The following BAIAP2 variants were observed in gnomAD, a reference collection of about 807,000 sequenced individuals.
BAIAP2 encodes the protein BAR/IMD domain-containing adapter protein 2.
BAIAP2 carries 18 observed loss-of-function variants against 63.0 expected under a neutral mutation model. The ratio of observed to expected loss-of-function variants is 0.29; its 90% CI spans 0.20 to 0.42. The LOEUF (loss-of-function observed/expected upper bound fraction) is 0.42. BAIAP2 is among the 10% of genes least tolerant of loss of function. The probability of loss-of-function intolerance (pLI) is 1.00; values close to 1 mark genes in which losing one functional copy is unlikely to be tolerated. For missense variants in BAIAP2, 610 were observed against 734.3 expected (o/e 0.83, Z 1.96); for synonymous variants, 386 against 307.6 (o/e 1.25, Z -2.67).
intron 4 of BAIAP2, chr17:81,085,323 G>C (rs761447569): frequency 5.6e-6 from 3 of 537,386 alleles, no homozygotes; most frequent in Non-Finnish European, 1.0e-5. Flanking sequence ...TGTCAGTTCA[G>C]GCCCATGGGC....
At chr17:81,047,716 C>G (rs1208561545) in intron 1 of BAIAP2, among the ~76,000 whole-genome samples, 3 of 151,638 alleles carry the variant, frequency 2.0e-5, no homozygotes, top group Non-Finnish European at 4.4e-5. Flanking sequence ...CCACATGCGT[C>G]CAGCACATGT....
chr17:81,036,834 G>A (rs530722604), intron 1 of BAIAP2: 9 of 1,506,070 alleles, frequency 6.0e-6, no homozygotes, highest in Non-Finnish European at 8.0e-6. Flanking sequence ...TTAGTCATTA[G>A]CTCCATTACG....
At position 81,104,718 on chromosome 17, in the gene BAIAP2, G is replaced by A; in HGVS notation, c.1268+3G>A. The A allele has an allele frequency of 6.4e-7, 1 of 1,568,864 alleles. No homozygotes were observed. Among genetic ancestry groups the A allele is most frequent in the Admixed American group, 1.8e-5 (1 of 54,314 alleles). Reference sequence around the variant, plus strand: ...GGAGAGAGTGAGAAGACCAAGATGTGAGTGTTTCTCGGGGGCGGGCTCCAG... The same window carrying A: ...GGAGAGAGTGAGAAGACCAAGATGTAAGTGTTTCTCGGGGGCGGGCTCCAG... On this transcript the variant is annotated splice_donor_region_variant and intron_variant, in intron 10 of 13. Transcript: ENST00000428708.
intron 7 of BAIAP2, among the ~76,000 whole-genome samples, chr17:81,102,784 C>T (rs990709371): frequency 6.6e-6 from 1 of 152,330 alleles, no homozygotes; most frequent in East Asian, 1.9e-4. Flanking sequence ...AGAGACATAG[C>T]AGTTCTGGCC....
chr17:81,105,062 C>T (rs1335404771), intron 10 of BAIAP2: 1 of 222,086 alleles, frequency 4.5e-6, no homozygotes, highest in Admixed American at 5.4e-5. Flanking sequence ...TGGCAGGGGT[C>T]TCCCCCCAAT....
chr17:81,057,968 G>T lies in BAIAP2; in HGVS notation c.217+1G>T. The T allele has an allele frequency of 7.2e-7, 1 of 1,386,766 alleles. No individual in the cohort carries two copies. The highest frequency in any genetic ancestry group is 1.3e-5 in the South Asian group (1 of 76,690). 85.9% of individuals were successfully genotyped at this position (1,386,766 alleles called of 1,614,324 possible). ...GAGAGCCAGGGCTCCAAAGAACTCGGTGAGACCCCCCCCCCCCCCCCGCCT... is the reference window on the plus strand; with the variant it reads ...GAGAGCCAGGGCTCCAAAGAACTCGTTGAGACCCCCCCCCCCCCCCCGCCT... On this transcript the variant is annotated splice_donor_variant, in intron 3 of 13. Coordinates refer to ENST00000428708, the MANE Select transcript of BAIAP2 (RefSeq NM_001144888.2). LOFTEE classifies it high-confidence loss of function.
chr17:81,055,590 G>T (rs1051608623), intron 2 of BAIAP2, among the ~76,000 whole-genome samples: 1 of 3,084 alleles, frequency 3.2e-4, no homozygotes, highest in Non-Finnish European at 1.2e-3. Context: ...TTTTGAGACG[G>T]AGTCTCACTC....
intron 10 of BAIAP2, chr17:81,105,037 AGG>A (rs2058976701): frequency 1.6e-5 from 4 of 254,584 alleles, no homozygotes; most frequent in South Asian, 5.1e-5. Flanking sequence ...CCCCAATGGC[AGG>A]GGTCTTTCCC....
chr17:81,041,177 C>T (rs2047023242), intron 1 of BAIAP2, among the ~76,000 whole-genome samples: 1 of 152,252 alleles, frequency 6.6e-6, no homozygotes. Flanking sequence ...CCTTGGGCTT[C>T]CTGCCAGGCC....
chr17:81,103,466 G>A, intron 7 of BAIAP2, 36 bp from the exon 8 acceptor site: 1 of 1,530,326 alleles, frequency 6.5e-7, no homozygotes, highest in Non-Finnish European at 8.8e-7. Context: ...GACTGAGCCG[G>A]CCCTGACCCC....
intron 1 of BAIAP2, among the ~76,000 whole-genome samples, chr17:81,036,551 G>C (rs956693071): frequency 1.3e-5 from 2 of 152,232 alleles, no homozygotes; most frequent in Non-Finnish European, 2.9e-5. Context: ...GGGGCCGATT[G>C]CACTTGAATA....
At chr17:81,053,490 A>G (rs1361839873) in intron 1 of BAIAP2, 178 bp from the exon 2 acceptor site, 6 of 657,954 alleles carry the variant, frequency 9.1e-6, no homozygotes, top group Admixed American at 2.7e-5. Context: ...TCATTTTCCC[A>G]AGGACATTGA....
intron 2 of BAIAP2, among the ~76,000 whole-genome samples, chr17:81,054,320 G>C (rs367705385): frequency 8.4e-4 from 123 of 145,824 alleles, no homozygotes; most frequent in East Asian, 1.7e-3. Context: ...TGAGCTGGTA[G>C]AACTGTGCCC....
intron 3 of BAIAP2, among the ~76,000 whole-genome samples, chr17:81,075,252 T>C (rs1452527679): frequency 6.6e-6 from 1 of 152,238 alleles, no homozygotes; most frequent in Non-Finnish European, 1.5e-5. Context: ...GGGCATCTTG[T>C]GGCACTTCCT....
At position 81,036,885 on chromosome 17, in the gene BAIAP2, G is replaced by A. The variant is rs746415680; in HGVS notation, c.54+1577G>A. On this transcript the variant is annotated intron_variant, in intron 1 of 13. Coordinates refer to ENST00000428708, the MANE Select transcript of BAIAP2 (RefSeq NM_001144888.2). ...CAGAGGGTGGAAGAGAAGTACCAGC[G>A]GAACCTTTTTCCTATTTTTTCTCCT... 3.9e-4 allele frequency: 593 copies of A among 1,535,806 alleles called. 1 individual carries two copies. Among genetic ancestry groups the A allele is most frequent in the Non-Finnish European group, 4.6e-4 (528 of 1,146,900 alleles).
At chr17:81,038,824 G>A (rs966526202) in intron 1 of BAIAP2, among the ~76,000 whole-genome samples, 3 of 152,172 alleles carry the variant, frequency 2.0e-5, no homozygotes, top group African/African-American at 7.2e-5. Flanking sequence ...CCTCCATTTG[G>A]AGACGGTGGG....
intron 13 of BAIAP2, chr17:81,110,413 C>G: frequency 1.0e-6 from 1 of 990,554 alleles, no homozygotes. Context: ...ATGTAAAGTG[C>G]TGAACATATT....
intron 1 of BAIAP2, among the ~76,000 whole-genome samples, chr17:81,042,660 G>T (rs959686942): frequency 6.6e-6 from 1 of 152,090 alleles, no homozygotes; most frequent in African/African-American, 2.4e-5. Flanking sequence ...ATGGTGGAAT[G>T]CGCTGGGGTA....
chr17:81,115,817 G>C lies in BAIAP2; in HGVS notation c.1583G>C (p.Arg528Thr). Reference protein sequence around the residue: ...VQLKPTVTNDRSAPLLS With the variant: ...VQLKPTVTNDTSAPLLS ...CTGAAGCCGACAGTGACCAACGACA[G>C]GTCTGCCCCCCTCCTCAGCTGATGG... The change falls in exon 14 of 14, where the codon AGG becomes ACG. Residue 528 changes from arginine to threonine, a missense_variant. Coordinates refer to ENST00000428708, the MANE Select transcript of BAIAP2 (RefSeq NM_001144888.2). 1 of 1,613,554 alleles carries C rather than the reference G, an allele frequency of 6.2e-7. No homozygotes were observed. The highest frequency in any genetic ancestry group is 1.1e-5 in the South Asian group (1 of 91,090).
Sources: gnomAD v4.1 joint callset for allele counts (sites outside exome capture counted in the v4.1 genomes callset) on GRCh38, gnomAD v4.1.1 for gene constraint, MANE v1.5 for transcripts, NCBI Gene and HGNC (gene_info 2026-07-23, HGNC 2026-07-21) for gene names.